Variants in GALNTL6 observed in about 807,000 individuals in gnomAD.
GALNTL6 encodes the protein polypeptide N-acetylgalactosaminyltransferase like 6.
In GALNTL6, 46 loss-of-function variants were observed where a neutral mutation model predicts 73.7. The observed-to-expected ratio is 0.62, with a 90% CI of 0.49 to 0.80. The LOEUF (loss-of-function observed/expected upper bound fraction) is 0.80, where lower values mean the gene tolerates loss of function less well. Ranked by LOEUF, GALNTL6 falls within the 30% of genes least tolerant of loss-of-function variation. GALNTL6 has a pLI of 0.00. For missense variants in GALNTL6, 604 were observed against 755.0 expected (o/e 0.80, Z 2.34); for synonymous variants, 259 against 263.7 (o/e 0.98, Z 0.17).
At chr4:172,890,425 A>ATGTT (rs1745970644) in intron 8 of GALNTL6, among the ~76,000 whole-genome samples, 1 of 151,904 alleles carries the variant, frequency 6.6e-6, no homozygotes, top group South Asian at 2.1e-4. Context: ...AGATTTTGAT[A>ATGTT]TGTTCTGTTT....
chr4:172,245,418 A>G (rs1018257731), intron 3 of GALNTL6, among the ~76,000 whole-genome samples: 24 of 152,180 alleles, frequency 1.6e-4, no homozygotes, highest in African/African-American at 5.8e-4. Flanking sequence ...TTAGAGTTAC[A>G]GTTTACATAC....
intron 5 of GALNTL6, among the ~76,000 whole-genome samples, chr4:172,442,979 T>TA (rs1206620478): frequency 1.3e-5 from 2 of 151,638 alleles, no homozygotes; most frequent in Non-Finnish European, 2.9e-5. Flanking sequence ...TTGGTGACTT[T>TA]AAAGTTCTAA....
At chr4:172,394,873 T>C (rs188735655) in intron 5 of GALNTL6, among the ~76,000 whole-genome samples, 1 of 152,300 alleles carries the variant, frequency 6.6e-6, no homozygotes, top group East Asian at 1.9e-4. Context: ...ATTTGGTCTG[T>C]TTTGGCTGCT....
chr4:172,445,815 T>C (rs1385888163), intron 5 of GALNTL6, among the ~76,000 whole-genome samples: 1 of 152,150 alleles, frequency 6.6e-6, no homozygotes, highest in Non-Finnish European at 1.5e-5. Flanking sequence ...GAGAAGATGG[T>C]GAATAAATTT....
chr4:173,023,746 A>T (rs186241997), intron 12 of GALNTL6, among the ~76,000 whole-genome samples: 205 of 152,326 alleles, frequency 1.3e-3, no homozygotes, highest in African/African-American at 4.7e-3. Context: ...GTATCTGATT[A>T]AAAATGAAGC....
At position 172,509,530 on chromosome 4, in the gene GALNTL6, A is replaced by G. The variant is rs1356435436; in HGVS notation, c.553+160841A>G. Among the ~76,000 whole-genome samples, 4 of 55,016 alleles carry G rather than the reference A, an allele frequency of 7.3e-5. 1 individual carries two copies. Among genetic ancestry groups the G allele is most frequent in the African/African-American group, 1.8e-4 (4 of 21,998 alleles). The allele number at this position is 55,016 out of a possible 152,430, so 36.1% of individuals were successfully genotyped here. A position where few individuals can be genotyped will look rare whatever the true frequency, so the allele number is the denominator to read the frequency against. ...GGCCATGAAGTCTTTGCCTAAGCCA[A>G]TGTCTCAAAGCATTTTCCAATGTTC... On this transcript the variant is annotated intron_variant, in intron 5 of 12. Coordinates refer to ENST00000506823, the MANE Select transcript of GALNTL6 (RefSeq NM_001034845.3).
chr4:172,815,239 T>C (rs1051030875), intron 7 of GALNTL6, among the ~76,000 whole-genome samples: 3 of 152,194 alleles, frequency 2.0e-5, no homozygotes, highest in Non-Finnish European at 4.4e-5. Context: ...CATCATGTTG[T>C]ACATCATAAA....
At chr4:171,939,748 TTTG>T (rs1486322801) in intron 2 of GALNTL6, among the ~76,000 whole-genome samples, 7 of 152,168 alleles carry the variant, frequency 4.6e-5, no homozygotes, top group Admixed American at 6.5e-5. Flanking sequence ...TAATAGAAAA[TTTG>T]TTGTTTATCA....
rs561801398 is a variant in GALNTL6, at chr4:171,874,022, C to A, written c.138+59304C>A. On this transcript the variant is annotated intron_variant, in intron 2 of 12. Coordinates refer to ENST00000506823, the MANE Select transcript of GALNTL6 (RefSeq NM_001034845.3). ...CCAGGTGTTGAATGCCGGCAGAATT[C>A]TCTCTTTTTATTCATGTCTTTTTAA... Among the ~76,000 whole-genome samples, 34 of 152,266 alleles carry A rather than the reference C, an allele frequency of 2.2e-4. 1 individual carries two copies. The highest frequency in any genetic ancestry group is 7.9e-4 in the African/African-American group (33 of 41,568).
At chr4:172,843,170 T>C (rs1054598512) in intron 7 of GALNTL6, among the ~76,000 whole-genome samples, 33 of 152,108 alleles carry the variant, frequency 2.2e-4, no homozygotes, top group African/African-American at 7.5e-4. Context: ...CTTTATTACT[T>C]TTTTCCCTCC....
chr4:172,378,460 G>A (rs998314998), intron 5 of GALNTL6, among the ~76,000 whole-genome samples: 3 of 152,070 alleles, frequency 2.0e-5, no homozygotes, highest in South Asian at 2.1e-4. Flanking sequence ...TAATTAATTC[G>A]ATAACACTAA....
At position 172,423,204 on chromosome 4, in the gene GALNTL6, A is replaced by G. The variant is rs111430237; in HGVS notation, c.553+74515A>G. Among the ~76,000 whole-genome samples, 478 of 151,686 alleles carry G rather than the reference A, an allele frequency of 3.2e-3. 2 individuals carry two copies. The highest frequency in any genetic ancestry group is 0.011 in the African/African-American group (441 of 41,404). ...AATAACATTGTATCTGGTCTCTGAG[A>G]TTTCACTCTTTTCTTCCCAGTCCTT... On this transcript the variant is annotated intron_variant, in intron 5 of 12. Coordinates refer to ENST00000506823, the MANE Select transcript of GALNTL6 (RefSeq NM_001034845.3).
At chr4:172,242,808 A>AC (rs1737492477) in intron 3 of GALNTL6, among the ~76,000 whole-genome samples, 1 of 152,244 alleles carries the variant, frequency 6.6e-6, no homozygotes, top group African/African-American at 2.4e-5. Context: ...AGCATAAGGC[A>AC]TTGTAGGAGG....
chr4:172,444,414 G>T (rs1272040467), intron 5 of GALNTL6, among the ~76,000 whole-genome samples: 1 of 152,062 alleles, frequency 6.6e-6, no homozygotes, highest in Non-Finnish European at 1.5e-5. Flanking sequence ...CCGTGACTGT[G>T]GCCCCCAACA....
At chr4:172,524,181 A>G (rs1194497996) in intron 5 of GALNTL6, among the ~76,000 whole-genome samples, 1 of 151,968 alleles carries the variant, frequency 6.6e-6, no homozygotes, top group Non-Finnish European at 1.5e-5. Flanking sequence ...ATGTTTGTGA[A>G]GTTTATCATT....
intron 4 of GALNTL6, among the ~76,000 whole-genome samples, chr4:172,318,425 G>T (rs949855629): frequency 2.0e-5 from 3 of 152,080 alleles, no homozygotes; most frequent in African/African-American, 7.2e-5. Flanking sequence ...GAATGAGGCT[G>T]GGTGCCATGG....
At chr4:172,626,116 T>G (rs182104519) in intron 5 of GALNTL6, among the ~76,000 whole-genome samples, 1 of 152,218 alleles carries the variant, frequency 6.6e-6, no homozygotes. Flanking sequence ...AGAATGGTGT[T>G]TCCTAGGTTT....
chr4:172,469,483 A>G (rs1732964966), intron 5 of GALNTL6, among the ~76,000 whole-genome samples: 1 of 151,946 alleles, frequency 6.6e-6, no homozygotes, highest in South Asian at 2.1e-4. Context: ...GATGGTGCAC[A>G]CACTTCCAAA....
intron 5 of GALNTL6, among the ~76,000 whole-genome samples, chr4:172,523,740 A>G (rs999328666): frequency 6.6e-6 from 1 of 152,076 alleles, no homozygotes; most frequent in Non-Finnish European, 1.5e-5. Flanking sequence ...GCCTTCTGTA[A>G]ACTCTTAAGT....
Sources: gnomAD v4.1 joint callset for allele counts (sites outside exome capture counted in the v4.1 genomes callset) on GRCh38, gnomAD v4.1.1 for gene constraint, MANE v1.5 for transcripts, NCBI Gene and HGNC (gene_info 2026-07-23, HGNC 2026-07-21) for gene names.